SLFN14: variants seen among roughly 807,000 people sequenced by gnomAD.
SLFN14 encodes the protein protein SLFN14.
SLFN14 carries 47 observed loss-of-function variants against 58.6 expected under a neutral mutation model. The observed-to-expected ratio is 0.80, with a 90% CI of 0.64 to 1.02. The LOEUF is 1.02. SLFN14 is among the 50% of genes least tolerant of loss of function. The pLI is 0.00. For synonymous variants in SLFN14, 390 were observed against 387.3 expected (o/e 1.01, Z -0.08); for missense variants, 967 against 1,078.4 (o/e 0.90, Z 1.45).
chr17:35,552,575 A>C (rs2072601133), intron 5 of SLFN14, among the ~76,000 whole-genome samples, 155 bp downstream of exon 5: 1 of 151,178 alleles, frequency 6.6e-6, no homozygotes, highest in Non-Finnish European at 1.5e-5. Flanking sequence ...TTTTCACTCT[A>C]TTAAATCTTG....
intron 4 of SLFN14, among the ~76,000 whole-genome samples, chr17:35,553,934 C>G (rs1274001571): frequency 6.6e-6 from 1 of 152,132 alleles, no homozygotes; most frequent in Non-Finnish European, 1.5e-5. Flanking sequence ...GCCACCATGC[C>G]CGGCCTGAGA....
chr17:35,551,923 T>TA (rs2072592560), intron 5 of SLFN14, among the ~76,000 whole-genome samples: 1 of 152,154 alleles, frequency 6.6e-6, no homozygotes, highest in Admixed American at 6.5e-5. Flanking sequence ...CTAGCAGCTA[T>TA]AATATTGTTA....
rs971241310 is a variant in SLFN14, at chr17:35,546,033, C to A, written c.*2206G>T. Among the ~76,000 whole-genome samples, 1 of 152,130 alleles carries A rather than the reference C, an allele frequency of 6.6e-6. No individual in the cohort carries two copies. Among genetic ancestry groups the A allele is most frequent in the Non-Finnish European group, 1.5e-5 (1 of 68,030 alleles). On this transcript the variant is annotated 3_prime_UTR_variant, in exon 6 of 6. Coordinates refer to ENST00000674182, the MANE Select transcript of SLFN14 (RefSeq NM_001129820.2). Reference sequence around the variant, plus strand: ...CTCAAATTCAATATTTAAAACAATTCTTTACAAATCAATTCTTTTATTAAA... The same window carrying A: ...CTCAAATTCAATATTTAAAACAATTATTTACAAATCAATTCTTTTATTAAA...
At position 35,560,747 on chromosome 17, in the gene SLFN14, A is replaced by ATT. The variant is rs200456765; in HGVS notation, c.-124+18_-124+19dup. 1.8e-3 allele frequency among the ~76,000 whole-genome samples: 254 copies of ATT among 142,386 alleles called. 1 individual carries two copies. Among genetic ancestry groups the ATT allele is most frequent in the East Asian group, 9.1e-3 (45 of 4,948 alleles). 93.4% of individuals were successfully genotyped at this position (142,386 alleles called of 152,430 possible). The stretch of plus-strand genomic sequence containing the variant: ...TTAGATAAATGAGATATTTTTAAGA[A>ATT]TTTTTTTTTTTTTTTTTACCTATGC... On this transcript the variant is annotated intron_variant, in intron 1 of 5. Transcript: ENST00000674182.
intron 5 of SLFN14, among the ~76,000 whole-genome samples, chr17:35,550,148 A>T (rs980035898): frequency 6.6e-6 from 1 of 152,132 alleles, no homozygotes; most frequent in African/African-American, 2.4e-5. Context: ...CTTTGCCTGG[A>T]AAGCCCTCCC....
In SLFN14 at chr17:35,557,297, C is replaced by A; in HGVS notation, c.766G>T (p.Gly256Ter). 1 of 1,551,674 alleles carries A rather than the reference C, an allele frequency of 6.4e-7. No individual in the cohort carries two copies. Among genetic ancestry groups the A allele is most frequent in the Non-Finnish European group, 8.7e-7 (1 of 1,146,970 alleles). The change falls in exon 3 of 6, where the codon GGA (glycine) becomes TGA (stop). Residue 256 changes from glycine (G) to a stop codon, truncating the protein, a stop_gained. Transcript: ENST00000674182. LOFTEE classifies it high-confidence loss of function. Reference protein sequence around the residue: ...GVDDKSKEVVGCKWEKVNPDL... With the variant: ...GVDDKSKEVV Reference sequence around the variant, plus strand: ...GGATTCACTTTTTCCCACTTACATCCAACCACTTCTTTGCTCTTATCATCC... The same window carrying A: ...GGATTCACTTTTTCCCACTTACATCAAACCACTTCTTTGCTCTTATCATCC...
At chr17:35,556,922 C>T in intron 3 of SLFN14, 81 bp downstream of exon 3, 2 of 1,264,162 alleles carry the variant, frequency 1.6e-6, no homozygotes, top group Non-Finnish European at 2.1e-6. Context: ...TTTTAACTAA[C>T]ATATGTGATC....
rs1247501232 is a variant in SLFN14, at chr17:35,545,513, G to GAGAT, written c.*2722_*2725dup. ...TTAGAATCATTTGGATTTTTTTTAA[G>GAGAT]AGATAGAGTCTTGCTCTGTAACCCA... On this transcript the variant is annotated 3_prime_UTR_variant, in exon 6 of 6. Coordinates refer to ENST00000674182, the MANE Select transcript of SLFN14 (RefSeq NM_001129820.2). 6.6e-6 allele frequency among the ~76,000 whole-genome samples: 1 copy of GAGAT among 152,016 alleles called. No individual in the cohort carries two copies. Among genetic ancestry groups the GAGAT allele is most frequent in the East Asian group, 1.9e-4 (1 of 5,190 alleles).
chr17:35,548,949 T>A lies in SLFN14; in HGVS notation c.2029A>T (p.Lys677Ter). The A allele has an allele frequency of 6.4e-7, 1 of 1,551,734 alleles. No individual in the cohort carries two copies. The highest frequency in any genetic ancestry group is 8.7e-7 in the Non-Finnish European group (1 of 1,146,996). The change falls in exon 6 of 6, where the codon AAG becomes TAG. Residue 677 changes from lysine (K) to a stop codon, truncating the protein, a stop_gained. Transcript: ENST00000674182. LOFTEE classifies it low-confidence loss of function (END_TRUNC). ...FCSKYGNWYM[K>*]AKNITHPKAK... ...TTTGGATGGGTGATGTTCTTAGCCTTCATGTACCAATTGCCATATTTGCTG... is the reference window on the plus strand; with the variant it reads ...TTTGGATGGGTGATGTTCTTAGCCTACATGTACCAATTGCCATATTTGCTG...
At chr17:35,549,688 A>AT (rs2072566995) in intron 5 of SLFN14, among the ~76,000 whole-genome samples, 1 of 152,062 alleles carries the variant, frequency 6.6e-6, no homozygotes. Context: ...GCATATATGT[A>AT]TTTTTTCTGA....
intron 5 of SLFN14, among the ~76,000 whole-genome samples, chr17:35,550,481 G>C (rs919761295): frequency 1.3e-5 from 2 of 152,206 alleles, no homozygotes; most frequent in African/African-American, 4.8e-5. Flanking sequence ...AGGAGACAGA[G>C]TTTGCAGTGA....
intron 3 of SLFN14, among the ~76,000 whole-genome samples, chr17:35,556,020 ATTTTTATT>A (rs1449842910): frequency 1.3e-5 from 2 of 151,764 alleles, no homozygotes; most frequent in Middle Eastern, 3.4e-3. Flanking sequence ...GGAGTCATTT[ATTTTTATT>A]TTTTTATTTT....
At chr17:35,560,351 G>C (rs79193055) in intron 1 of SLFN14, among the ~76,000 whole-genome samples, 3,657 of 152,154 alleles carry the variant, frequency 0.024, 134 homozygotes, top group East Asian at 0.18. Flanking sequence ...TTTTGAGACA[G>C]AGTTTTGCTC....
intron 3 of SLFN14, 31 bp from the exon 4 acceptor site, chr17:35,554,735 C>G: frequency 1.8e-6 from 2 of 1,083,544 alleles, no homozygotes; most frequent in South Asian, 3.0e-5. Context: ...TTGTTTCAGA[C>G]AAAAAATAAA....
rs1342136942 is a variant in SLFN14 at position 35,545,172 on chromosome 17, C to A, written c.*3067G>T. Among the ~76,000 whole-genome samples, 2 of 152,126 alleles carry A rather than the reference C, an allele frequency of 1.3e-5. No individual in the cohort carries two copies. The highest frequency in any genetic ancestry group is 2.9e-5 in the Non-Finnish European group (2 of 68,022). On this transcript the variant is annotated 3_prime_UTR_variant, in exon 6 of 6. Transcript: ENST00000674182. ...ATTGTTCCCTTATTCTTCATTATTA[C>A]AGTGTTAAAGATTATTCTCCACACT...
rs576402808 is a variant in SLFN14, at chr17:35,548,419, G to A, written c.2559C>T (p.Thr853=). 126 of 1,551,690 alleles carry A rather than the reference G, an allele frequency of 8.1e-5. No individual in the cohort carries two copies. The highest frequency in any genetic ancestry group is 1.4e-4 in the African/African-American group (10 of 73,154). The part of the protein sequence containing the change: ...RPSEVVFSPA[T]GVWGSHIVLD... ...AAACAATGTGACTTCCCCAAACACC[G>A]GTGGCCGGGCTAAACACAACCTCTG... The change falls in exon 6 of 6, where the codon ACC becomes ACT. Residue 853 remains threonine, a synonymous_variant. Coordinates refer to ENST00000674182, the MANE Select transcript of SLFN14 (RefSeq NM_001129820.2).
chr17:35,544,701 T>C lies in SLFN14; in HGVS notation c.*3538A>G, dbSNP rs2072522424. Among the ~76,000 whole-genome samples, 1 of 152,076 alleles carries C rather than the reference T, an allele frequency of 6.6e-6. No individual in the cohort carries two copies. Among genetic ancestry groups the C allele is most frequent in the Admixed American group, 6.5e-5 (1 of 15,268 alleles). ...GCGCCACCATGCCCAGCTAATTTTG[T>C]ATTTTTAGTGGAGACAGGGTTTCTC... On this transcript the variant is annotated 3_prime_UTR_variant, in exon 6 of 6. Transcript: ENST00000674182.
intron 3 of SLFN14, among the ~76,000 whole-genome samples, chr17:35,555,112 C>A (rs557970157): frequency 6.6e-6 from 1 of 152,262 alleles, no homozygotes; most frequent in East Asian, 1.9e-4. Flanking sequence ...ATGGCTCACA[C>A]CTGTAATCCC....
rs1042849734 is a variant in SLFN14 at position 35,544,785 on chromosome 17, C to T, written c.*3454G>A. Among the ~76,000 whole-genome samples, 1 of 152,084 alleles carries T rather than the reference C, an allele frequency of 6.6e-6. No individual in the cohort carries two copies. The highest frequency in any genetic ancestry group is 1.5e-5 in the Non-Finnish European group (1 of 68,024). On this transcript the variant is annotated 3_prime_UTR_variant, in exon 6 of 6. Transcript: ENST00000674182. The stretch of plus-strand genomic sequence containing the variant: ...TCAGGTGATTCACCCACCTCAGCCT[C>T]CCAAAGTGCTAGGATTACCAGCATG...
Sources: allele counts gnomAD v4.1 joint callset (sites outside exome capture counted in the v4.1 genomes callset), GRCh38; gene constraint gnomAD v4.1.1; transcripts MANE v1.5; gene names NCBI Gene and HGNC (gene_info 2026-07-23, HGNC 2026-07-21).